The following TRNT1 variants were observed in gnomAD, a reference collection of about 807,000 sequenced individuals.
TRNT1 encodes CCA tRNA nucleotidyltransferase 1, mitochondrial.
In TRNT1, 44 loss-of-function variants were observed where a neutral mutation model predicts 45.6. The observed-to-expected ratio is 0.97, with a 90% CI of 0.76 to 1.24. TRNT1 has a LOEUF of 1.24. Among genes scored for constraint, TRNT1 ranks in the 50% most tolerant of loss-of-function variants. The probability of loss-of-function intolerance (pLI) is 0.00; values close to 1 mark genes in which losing one functional copy is unlikely to be tolerated. For missense variants in TRNT1, 633 were observed against 504.4 expected, an observed-to-expected ratio of 1.25 and a Z score of -2.44; for synonymous variants, 201 against 171.4, an observed-to-expected ratio of 1.17 and a Z score of -1.35.
chr3:3,149,572 C>G (rs892960330), downstream of TRNT1: 1 of 151,446 alleles, frequency 6.6e-6, no homozygotes, highest in Non-Finnish European at 1.5e-5. Flanking sequence ...ACAGGAACTT[C>G]CTGGAGTAAG....
At chr3:3,130,369 C>G (rs915996657) in intron 2 of TRNT1, 2 of 174,382 alleles carry the variant, frequency 1.1e-5, no homozygotes, top group Non-Finnish European at 2.5e-5. Flanking sequence ...TTTAACATGA[C>G]TCACCTTGTA....
chr3:3,149,487 T>TAAC (rs1706322883), downstream of TRNT1: 1 of 152,100 alleles, frequency 6.6e-6, no homozygotes, highest in African/African-American at 2.4e-5. Context: ...ACTGAAATTT[T>TAAC]AACTTTTCAG....
At chr3:3,140,418 C>A in intron 3 of TRNT1, 92 bp from the exon 4 acceptor site, 2 of 1,269,490 alleles carry the variant, frequency 1.6e-6, no homozygotes, top group South Asian at 1.4e-5. Flanking sequence ...ATAGTACCAT[C>A]CCTTTATAAA....
chr3:3,152,821 T>C (rs1244802711), downstream of TRNT1: 12 of 554,754 alleles, frequency 2.2e-5, no homozygotes, highest in African/African-American at 3.8e-5. Context: ...CCAAAGGAAA[T>C]AGTACTTGTT....
intron 5 of TRNT1, among the ~76,000 whole-genome samples, chr3:3,146,145 T>C (rs1443580493): frequency 6.6e-6 from 1 of 151,200 alleles, no homozygotes. Context: ...CGGAATGTCT[T>C]GAGTCAGTAA....
chr3:3,135,266 T>G (rs1396849185), intron 2 of TRNT1, among the ~76,000 whole-genome samples: 1 of 152,134 alleles, frequency 6.6e-6, no homozygotes, highest in Non-Finnish European at 1.5e-5. Flanking sequence ...GGGAGAGTTT[T>G]GTGCAGACAG....
intron 4 of TRNT1, among the ~76,000 whole-genome samples, chr3:3,142,641 C>T (rs1252808627): frequency 1.3e-5 from 2 of 152,180 alleles, no homozygotes; most frequent in African/African-American, 4.8e-5. Context: ...ATCAAGCATT[C>T]ATAGTTCTGG....
chr3:3,128,255 C>T (rs111238397), intron 1 of TRNT1, among the ~76,000 whole-genome samples: 4,704 of 152,142 alleles, frequency 0.031, 151 homozygotes, highest in African/African-American at 0.085. Flanking sequence ...TGGGGAGTTT[C>T]CTCAGATCCC....
At chr3:3,150,742 A>ATGTTATGTTTACTTAGGTAT, downstream of TRNT1, 2 of 948,364 alleles carry the variant, frequency 2.1e-6, no homozygotes, top group Non-Finnish European at 3.2e-6. Context: ...CCTCCAAGTA[A>ATGTTATGTTTACTTAGGTAT]TGTTATGTTT....
downstream of TRNT1, chr3:3,152,415 TAAAA>T (rs753190367): frequency 1.3e-6 from 2 of 1,582,296 alleles, no homozygotes; most frequent in Non-Finnish European, 1.7e-6. Context: ...CCAATTAAGG[TAAAA>T]AAAGAAAAAA....
At chr3:3,133,555 C>CAAA (rs565087780) in intron 2 of TRNT1, among the ~76,000 whole-genome samples, 2,870 of 139,148 alleles carry the variant, frequency 0.021, 76 homozygotes, top group African/African-American at 0.065. Context: ...GACCCTCTCT[C>CAAA]AAAAAAAAAA....
rs374592904 is a variant in TRNT1, at chr3:3,147,533, T to G, written c.886T>G (p.Leu296Val). The change falls in exon 7 of 8, where the codon TTG becomes GTG. Residue 296 changes from leucine to valine, a missense_variant. Leu to Val is a conservative substitution (Grantham distance 32, BLOSUM62 1). Transcript: ENST00000251607. ...TTTTTCACCAAAGCCAGTGACTCTT[T>G]TGGCCTCATTATTCAAAGTACAAGA... ...DGFSPKPVTL[L>V]ASLFKVQDDV... The G allele has an allele frequency of 1.3e-5, 21 of 1,613,864 alleles. No individual in the cohort carries two copies. The highest frequency in any genetic ancestry group is 1.7e-5 in the Non-Finnish European group (20 of 1,179,882).
chr3:3,152,349 C>T, downstream of TRNT1: 1 of 1,232,710 alleles, frequency 8.1e-7, no homozygotes, highest in South Asian at 1.3e-5. Flanking sequence ...ATTTGTCTGT[C>T]TACTTTTTAT....
chr3:3,152,349 CTACTTTTTATTA>C (rs1706625419), downstream of TRNT1: 12 of 1,232,710 alleles, frequency 9.7e-6, no homozygotes, highest in Middle Eastern at 1.9e-4. Context: ...ATTTGTCTGT[CTACTTTTTATTA>C]TAAAGATTGT....
chr3:3,138,715 TC>T (rs1163717884), intron 3 of TRNT1, among the ~76,000 whole-genome samples: 1 of 152,224 alleles, frequency 6.6e-6, no homozygotes, highest in Non-Finnish European at 1.5e-5. Flanking sequence ...ACTTCTGTGG[TC>T]TTGTAGAATT....
At chr3:3,142,690 T>C (rs1297497415) in intron 4 of TRNT1, among the ~76,000 whole-genome samples, 1 of 152,194 alleles carries the variant, frequency 6.6e-6, no homozygotes, top group Non-Finnish European at 1.5e-5. Context: ...AACGCTTATT[T>C]TTGCTTTGAT....
chr3:3,138,432 C>G (rs1705454557), intron 3 of TRNT1, among the ~76,000 whole-genome samples: 1 of 152,130 alleles, frequency 6.6e-6, no homozygotes, highest in Non-Finnish European at 1.5e-5. Context: ...TCTTTCTGAT[C>G]TTTTCATGTC....
At chr3:3,146,782 G>A (rs778328983) in intron 6 of TRNT1, among the ~76,000 whole-genome samples, 159 bp downstream of exon 6, 2 of 152,146 alleles carry the variant, frequency 1.3e-5, no homozygotes, top group Non-Finnish European at 2.9e-5. Flanking sequence ...AAGTTTTGTC[G>A]TGAGTAGGGA....
downstream of TRNT1, chr3:3,150,810 G>T: frequency 6.5e-7 from 1 of 1,540,616 alleles, no homozygotes; most frequent in Non-Finnish European, 8.9e-7. Flanking sequence ...AATTTCCAAA[G>T]CAGATCTTAG....
Sources: allele counts gnomAD v4.1 joint callset (sites outside exome capture counted in the v4.1 genomes callset), GRCh38; gene constraint gnomAD v4.1.1; transcripts MANE v1.5; gene names NCBI Gene and HGNC (gene_info 2026-07-23, HGNC 2026-07-21).